Variants in LRRC49 observed in about 807,000 individuals in gnomAD.
LRRC49 encodes leucine rich repeat containing 49.
A neutral mutation model predicts 83.3 loss-of-function variants in LRRC49; 50 were observed. That is an observed-to-expected ratio of 0.60 (90% CI 0.48 to 0.76). The LOEUF (loss-of-function observed/expected upper bound fraction) is 0.76. Ranked by LOEUF, LRRC49 falls within the 30% of genes least tolerant of loss-of-function variation. The pLI is 0.00. For missense variants in LRRC49, 704 were observed against 809.1 expected, an observed-to-expected ratio of 0.87 and a Z score of 1.58; for synonymous variants, 286 against 283.3, an observed-to-expected ratio of 1.01 and a Z score of -0.10.
At chr15:70,957,952 T>C (rs1211261213) in intron 8 of LRRC49, among the ~76,000 whole-genome samples, 1 of 152,216 alleles carries the variant, frequency 6.6e-6, no homozygotes, top group East Asian at 1.9e-4. Context: ...AATTTACATA[T>C]AATAAAATGC....
chr15:70,948,815 C>A (rs2036107472), intron 8 of LRRC49, among the ~76,000 whole-genome samples: 1 of 152,016 alleles, frequency 6.6e-6, no homozygotes, highest in African/African-American at 2.4e-5. Context: ...TGTTTCTGGG[C>A]CATCTCAGTG....
chr15:70,928,635 G>C (rs1292532124), intron 7 of LRRC49, among the ~76,000 whole-genome samples: 1 of 151,634 alleles, frequency 6.6e-6, no homozygotes, highest in Admixed American at 6.6e-5. Context: ...TTGCAGTCTT[G>C]GCTCACTGCA....
chr15:71,009,291 C>T lies in LRRC49; in HGVS notation c.1408-516C>T, dbSNP rs893675131. On this transcript the variant is annotated intron_variant, in intron 12 of 15. Coordinates refer to ENST00000260382, the MANE Select transcript of LRRC49 (RefSeq NM_017691.5). The stretch of plus-strand genomic sequence containing the variant: ...TCTAGATTCACAGACAGAATGCTTG[C>T]GTTAACATTGCAGTTTTAGTGATTT... 2.0e-5 allele frequency among the ~76,000 whole-genome samples: 3 copies of T among 151,776 alleles called. No homozygotes were observed. The South Asian group carries it at 6.2e-4, about 32-fold the overall frequency.
At chr15:70,993,885 C>T (rs947017628) in intron 11 of LRRC49, among the ~76,000 whole-genome samples, 4 of 152,104 alleles carry the variant, frequency 2.6e-5, no homozygotes, top group Admixed American at 2.0e-4. Flanking sequence ...CGCTGTGTCT[C>T]CCAGGCTGGA....
chr15:70,992,339 C>T (rs548656489), intron 11 of LRRC49, among the ~76,000 whole-genome samples: 34 of 152,190 alleles, frequency 2.2e-4, no homozygotes, highest in Middle Eastern at 3.2e-3. Context: ...AGCTTTGTTC[C>T]GTTGCTGGCG....
chr15:71,031,929 C>T (rs2039366636), intron 14 of LRRC49, among the ~76,000 whole-genome samples: 2 of 152,154 alleles, frequency 1.3e-5, no homozygotes, highest in African/African-American at 2.4e-5. Context: ...GCTTGCTGGA[C>T]TCTGTGGGAG....
chr15:70,865,410 CA>C (rs1409262995), intron 1 of LRRC49, among the ~76,000 whole-genome samples: 3 of 152,132 alleles, frequency 2.0e-5, no homozygotes, highest in African/African-American at 4.8e-5. Context: ...TTGCGTCTAA[CA>C]AAACTGTTGA....
intron 15 of LRRC49, among the ~76,000 whole-genome samples, chr15:71,039,864 T>C (rs746237545): frequency 9.2e-5 from 14 of 152,204 alleles, no homozygotes; most frequent in South Asian, 2.1e-4. Flanking sequence ...AGAATTCTAA[T>C]GATTTTAAAA....
intron 7 of LRRC49, 23 bp downstream of exon 7, chr15:70,919,216 T>C: frequency 6.3e-7 from 1 of 1,577,712 alleles, no homozygotes; most frequent in Non-Finnish European, 8.6e-7. Context: ...ATGGAGTTGA[T>C]ATGTACTTTG....
Position 70,936,764 on chromosome 15 carries a change from G to A in LRRC49, c.715G>A (p.Asp239Asn), listed in dbSNP as rs1227766382. The change falls in exon 8 of 16, where the codon GAT becomes AAT. Residue 239 changes from aspartate to asparagine, a missense_variant. Transcript: ENST00000260382. ...TTTGCTGTCTATTTTCTTCCAGAGA[G>A]ATGTGGATAATTTGCCCTGCCTCCA... The part of the protein sequence containing the change: ...LRHNQITFVR[D>N]VDNLPCLQHL... The A allele has an allele frequency of 6.2e-7, 1 of 1,604,078 alleles. No individual in the cohort carries two copies. Among genetic ancestry groups the A allele is most frequent in the African/African-American group, 1.3e-5 (1 of 74,736 alleles).
chr15:70,859,532 A>C, intron 1 of LRRC49: 1 of 674,414 alleles, frequency 1.5e-6, no homozygotes, highest in Non-Finnish European at 2.8e-6. Flanking sequence ...TGCCAACCGC[A>C]GCCAGGCGGA....
chr15:70,896,922 G>T (rs1179340084), intron 3 of LRRC49, among the ~76,000 whole-genome samples: 2 of 152,028 alleles, frequency 1.3e-5, no homozygotes, highest in Non-Finnish European at 2.9e-5. Flanking sequence ...CAGCCTAACT[G>T]CAGTTCCACA....
At position 70,863,987 on chromosome 15, in the gene LRRC49, G is replaced by C. The variant is rs538555798; in HGVS notation, c.-298-8921G>C. On this transcript the variant is annotated intron_variant, in intron 1 of 16. Transcript: ENST00000544974. ...CTGCAGGAGGAGACTTTGGTGCCTG[G>C]TGGACACAGTTGTGCCCAGGGAAGT... Among the ~76,000 whole-genome samples the C allele has an allele frequency of 8.6e-4, 131 of 152,296 alleles. 1 individual carries two copies. The highest frequency in any genetic ancestry group is 3.4e-3 in the Middle Eastern group (1 of 294).
At chr15:71,008,658 C>T in intron 12 of LRRC49, 42 bp downstream of exon 12, 1 of 1,420,488 alleles carries the variant, frequency 7.0e-7, no homozygotes, top group South Asian at 1.2e-5. Context: ...TATTCTTAGT[C>T]AATGACTTGT....
intron 11 of LRRC49, among the ~76,000 whole-genome samples, chr15:70,994,560 C>T (rs527727416): frequency 5.7e-4 from 87 of 152,052 alleles, no homozygotes; most frequent in African/African-American, 8.7e-4. Flanking sequence ...CTGCAACCTC[C>T]GCCTCCCAGG....
chr15:70,854,251 G>A, intron 1 of LRRC49: 4 of 272,406 alleles, frequency 1.5e-5, no homozygotes, highest in Non-Finnish European at 2.3e-5. Context: ...CGCCGCCGCC[G>A]CCGCCGCCGC....
intron 14 of LRRC49, among the ~76,000 whole-genome samples, chr15:71,018,246 C>A (rs2038887753): frequency 6.6e-6 from 1 of 151,960 alleles, no homozygotes; most frequent in Non-Finnish European, 1.5e-5. Context: ...GGATGAACAC[C>A]TGGGAGGATA....
At chr15:70,913,051 C>T (rs997203278) in intron 6 of LRRC49, among the ~76,000 whole-genome samples, 1 of 152,114 alleles carries the variant, frequency 6.6e-6, no homozygotes, top group Non-Finnish European at 1.5e-5. Flanking sequence ...CAGTCCTTTG[C>T]TCATCCATTT....
At chr15:70,985,319 A>C (rs1361354336) in intron 11 of LRRC49, among the ~76,000 whole-genome samples, 1 of 151,442 alleles carries the variant, frequency 6.6e-6, no homozygotes, top group Admixed American at 6.6e-5. Context: ...AATGATTGCC[A>C]TTCTAACTGG....
Sources: gnomAD v4.1 joint callset for allele counts (sites outside exome capture counted in the v4.1 genomes callset) on GRCh38, gnomAD v4.1.1 for gene constraint, MANE v1.5 for transcripts, NCBI Gene and HGNC (gene_info 2026-07-23, HGNC 2026-07-21) for gene names.